The following CORO2B variants were observed in gnomAD, a reference collection of about 807,000 sequenced individuals.
CORO2B encodes coronin-2B.
Under a neutral mutation model 58.8 loss-of-function variants are expected in CORO2B, and 26 were observed. That is an observed-to-expected ratio of 0.44 (90% CI 0.32 to 0.61). The LOEUF is 0.61. Among genes scored for constraint, CORO2B ranks in the 20% least tolerant of loss-of-function variants. The probability of loss-of-function intolerance (pLI) is 0.04; values close to 1 mark genes in which losing one functional copy is unlikely to be tolerated. For missense variants in CORO2B, 460 were observed against 645.1 expected (o/e 0.71, Z 3.11); for synonymous variants, 242 against 253.8 (o/e 0.95, Z 0.44).
chr15:68,624,570 T>C (rs574296524), intron 1 of CORO2B, among the ~76,000 whole-genome samples: 1 of 152,162 alleles, frequency 6.6e-6, no homozygotes, highest in African/African-American at 2.4e-5. Flanking sequence ...TAGTTGTGCA[T>C]TCAAATCACC....
chr15:68,553,658 T>G, the CORO2B span, among the ~76,000 whole-genome samples: 1 of 151,936 alleles, frequency 6.6e-6, no homozygotes, highest in Admixed American at 6.6e-5. Flanking sequence ...TTGGAGGAGG[T>G]GATGTCTAGA....
chr15:68,726,806 T>C lies in CORO2B; in HGVS notation c.*832T>C, dbSNP rs1027960708. The C allele has an allele frequency of 2.6e-5, 4 of 152,164 alleles. No individual in the cohort carries two copies. The highest frequency in any genetic ancestry group is 9.7e-5 in the African/African-American group (4 of 41,442). 9.4% of individuals were successfully genotyped at this position (152,164 alleles called of 1,614,324 possible). On this transcript the variant is annotated 3_prime_UTR_variant, in exon 12 of 12. Coordinates refer to ENST00000261861, the MANE Select transcript of CORO2B (RefSeq NM_006091.5). The stretch of plus-strand genomic sequence containing the variant: ...TGTTCAGACCCCAAGGCCAGGGCCT[T>C]TCCCGCTGCATCAAGATGCCAATCC...
chr15:68,667,228 C>A (rs1043002904), intron 2 of CORO2B, among the ~76,000 whole-genome samples: 1 of 152,160 alleles, frequency 6.6e-6, no homozygotes, highest in Non-Finnish European at 1.5e-5. Flanking sequence ...GAGCCAGCCC[C>A]GGTCTCTTCT....
the CORO2B span, among the ~76,000 whole-genome samples, chr15:68,541,415 A>T: frequency 6.6e-6 from 1 of 152,206 alleles, no homozygotes; most frequent in African/African-American, 2.4e-5. Context: ...ATACTCAGTG[A>T]CATCAAAAAT....
At chr15:68,617,430 T>C (rs890563962) in intron 1 of CORO2B, among the ~76,000 whole-genome samples, 1 of 152,246 alleles carries the variant, frequency 6.6e-6, no homozygotes, top group Non-Finnish European at 1.5e-5. Context: ...CTAGTCCCAG[T>C]TGTGCTACTC....
chr15:68,652,737 T>C (rs916848479), intron 2 of CORO2B, among the ~76,000 whole-genome samples: 3 of 152,160 alleles, frequency 2.0e-5, no homozygotes, highest in African/African-American at 7.2e-5. Flanking sequence ...GAAAGTATAC[T>C]CATTCTCCTC....
intron 2 of CORO2B, among the ~76,000 whole-genome samples, chr15:68,653,411 G>T (rs1901702524): frequency 1.3e-5 from 2 of 152,188 alleles, no homozygotes; most frequent in Non-Finnish European, 2.9e-5. Flanking sequence ...TAGATCCTCA[G>T]CCAAGGGGCC....
the CORO2B span, among the ~76,000 whole-genome samples, chr15:68,561,640 G>A: frequency 8.5e-5 from 13 of 152,192 alleles, no homozygotes; most frequent in Non-Finnish European, 1.5e-4. Context: ...AGAGAAACAC[G>A]CACACACCCA....
intron 2 of CORO2B, among the ~76,000 whole-genome samples, chr15:68,691,969 A>G (rs1403357639): frequency 6.6e-6 from 1 of 152,228 alleles, no homozygotes; most frequent in Non-Finnish European, 1.5e-5. Context: ...AGCTTTTGCG[A>G]TCAGATGGAA....
At chr15:68,549,953 A>AAAATAAAATAAAT in the CORO2B span, among the ~76,000 whole-genome samples, 61 of 144,572 alleles carry the variant, frequency 4.2e-4, no homozygotes, top group Non-Finnish European at 6.8e-4. Flanking sequence ...AAAATAAAAT[A>AAAATAAAATAAAT]AAATAAATAA....
At chr15:68,562,659 G>A in the CORO2B span, among the ~76,000 whole-genome samples, 1 of 152,138 alleles carries the variant, frequency 6.6e-6, no homozygotes, top group Admixed American at 6.6e-5. Flanking sequence ...AGAGAAATGA[G>A]AAAATTATAA....
the CORO2B span, among the ~76,000 whole-genome samples, chr15:68,533,864 G>A: frequency 6.6e-6 from 1 of 152,088 alleles, no homozygotes; most frequent in East Asian, 1.9e-4. Context: ...ACCTTTCTGT[G>A]GTCATTTTCC....
the CORO2B span, among the ~76,000 whole-genome samples, chr15:68,552,902 G>C: frequency 1.6e-4 from 24 of 152,228 alleles, no homozygotes; most frequent in Admixed American, 5.9e-4. Flanking sequence ...TGGTTGCAGA[G>C]AATGCCTCAG....
intron 3 of CORO2B, among the ~76,000 whole-genome samples, chr15:68,707,809 G>A (rs750729843): frequency 5.9e-5 from 9 of 152,096 alleles, no homozygotes; most frequent in East Asian, 1.9e-4. Context: ...TTATGTACTC[G>A]CCAGCTTGTT....
At chr15:68,688,303 T>C (rs562560888) in intron 2 of CORO2B, among the ~76,000 whole-genome samples, 21 of 152,372 alleles carry the variant, frequency 1.4e-4, no homozygotes, top group African/African-American at 5.1e-4. Context: ...TCTGATGTAT[T>C]TTCTTGTAGA....
At chr15:68,603,829 A>C (rs1295447996) in intron 1 of CORO2B, among the ~76,000 whole-genome samples, 2 of 152,190 alleles carry the variant, frequency 1.3e-5, no homozygotes, top group Non-Finnish European at 2.9e-5. Flanking sequence ...TTAAGCCCCC[A>C]GCCTGTGGCA....
rs74020261 is a variant in CORO2B, at chr15:68,645,720, G to A, written c.216+360G>A. On this transcript the variant is annotated intron_variant, in intron 2 of 11. Transcript: ENST00000261861. The surrounding 1 kb of genome is among the most constrained non-coding windows in gnomAD (Gnocchi z 4.5). ...CTGAGTGTCCTCTTGGTTTGGAGCC[G>A]GAAGGGATGAAGACCTAGCCATAGG... Among the ~76,000 whole-genome samples the A allele has an allele frequency of 3.9e-5, 6 of 152,200 alleles. No individual in the cohort carries two copies. Among genetic ancestry groups the A allele is most frequent in the Admixed American group, 1.3e-4 (2 of 15,302 alleles).
At chr15:68,571,826 G>A in the CORO2B span, among the ~76,000 whole-genome samples, 1 of 152,112 alleles carries the variant, frequency 6.6e-6, no homozygotes, top group Non-Finnish European at 1.5e-5. Context: ...CAAATATAAC[G>A]GGCTGAAATG....
chr15:68,569,014 AAAG>A, the CORO2B span, among the ~76,000 whole-genome samples: 959 of 152,348 alleles, frequency 6.3e-3, 3 homozygotes, highest in Non-Finnish European at 0.01. Flanking sequence ...CACATAAAAA[AAAG>A]AAGAAAAATA....
Sources: gnomAD v4.1 joint callset for allele counts (sites outside exome capture counted in the v4.1 genomes callset) on GRCh38, gnomAD v4.1.1 for gene constraint, Gnocchi (gnomAD v3.1) non-coding constraint, MANE v1.5 for transcripts, NCBI Gene and HGNC (gene_info 2026-07-23, HGNC 2026-07-21) for gene names.